The following FREM3 variants were observed in gnomAD, a reference collection of about 807,000 sequenced individuals.
The protein encoded by FREM3 is FRAS1-related extracellular matrix protein 3.
Under a neutral mutation model 129.1 loss-of-function variants are expected in FREM3, and 105 were observed. The observed-to-expected ratio is 0.81, with a 90% confidence interval of 0.69 to 0.96. The LOEUF is 0.96. Among genes scored for constraint, FREM3 ranks in the 40% least tolerant of loss-of-function variants. The pLI is 0.00. For synonymous variants in FREM3, 1,014 were observed against 1,044.9 expected (o/e 0.97, Z 0.57); for missense variants, 2,593 against 2,666.3 (o/e 0.97, Z 0.61).
intron 4 of FREM3, among the ~76,000 whole-genome samples, chr4:143,622,904 T>G (rs1280069079): frequency 6.6e-6 from 1 of 152,192 alleles, no homozygotes; most frequent in Non-Finnish European, 1.5e-5. Context: ...GAACTCTTAG[T>G]GTTTCTCCCA....
At chr4:143,581,646 T>C (rs994696890) in intron 7 of FREM3, among the ~76,000 whole-genome samples, 2 of 152,046 alleles carry the variant, frequency 1.3e-5, no homozygotes, top group Admixed American at 1.3e-4. Context: ...TCTGAGGGCT[T>C]TACTCACACC....
intron 2 of FREM3, among the ~76,000 whole-genome samples, chr4:143,665,603 A>G (rs1347126364): frequency 1.3e-5 from 2 of 152,146 alleles, no homozygotes; most frequent in Non-Finnish European, 2.9e-5. Context: ...TAAGTTGGGC[A>G]AGTGGTTAAG....
At chr4:143,654,242 A>G (rs529355386) in intron 2 of FREM3, among the ~76,000 whole-genome samples, 2 of 152,278 alleles carry the variant, frequency 1.3e-5, no homozygotes, top group Non-Finnish European at 2.9e-5. Flanking sequence ...AGCTGGGATT[A>G]CAGGTTTGTG....
In FREM3 at chr4:143,698,068, G is replaced by A. The variant is rs760805710; in HGVS notation, c.2608C>T (p.Arg870Trp). ...TGCAAGTGTCCATGTTGGGGACCCC[G>A]GACTAATATGAAGACAATTTGGTCA... ...DIDQIVFILV[R>W]GPQHGHLQYF... The change falls in exon 1 of 8, where the codon CGG becomes TGG. Residue 870 changes from arginine (R) to tryptophan (W), a missense_variant. Arg to Trp is a moderately radical substitution (Grantham distance 101, BLOSUM62 -3). Coordinates refer to ENST00000329798, the MANE Select transcript of FREM3 (RefSeq NM_001168235.2). The A allele has an allele frequency of 1.1e-5, 17 of 1,537,144 alleles. No individual in the cohort carries two copies. Among genetic ancestry groups the A allele is most frequent in the Admixed American group, 3.9e-5 (2 of 50,984 alleles).
intron 2 of FREM3, among the ~76,000 whole-genome samples, chr4:143,659,570 G>A (rs1739666405): frequency 6.7e-6 from 1 of 149,030 alleles, no homozygotes; most frequent in African/African-American, 2.5e-5. Context: ...ATAGCAGCAT[G>A]ATTTATATTC....
chr4:143,602,102 A>G (rs2149837603), intron 6 of FREM3: 1 of 152,338 alleles, frequency 6.6e-6, no homozygotes, highest in East Asian at 1.9e-4. Context: ...CATTATTGGT[A>G]TCTAACATGT....
At chr4:143,695,253 T>G (rs1364260228) in intron 1 of FREM3, among the ~76,000 whole-genome samples, 2 of 152,220 alleles carry the variant, frequency 1.3e-5, no homozygotes, top group African/African-American at 2.4e-5. Flanking sequence ...AGTTTTAAGG[T>G]ATAACTACAA....
intron 2 of FREM3, among the ~76,000 whole-genome samples, chr4:143,688,318 G>A (rs1040055198): frequency 6.6e-6 from 1 of 151,996 alleles, no homozygotes; most frequent in African/African-American, 2.4e-5. Flanking sequence ...ACCTAACCAA[G>A]GAGTCAAAAG....
chr4:143,663,961 T>G (rs1222243226), intron 2 of FREM3, among the ~76,000 whole-genome samples: 1 of 152,144 alleles, frequency 6.6e-6, no homozygotes, highest in Non-Finnish European at 1.5e-5. Flanking sequence ...CTTCTCTGTA[T>G]TGGTTATTCT....
At chr4:143,662,855 T>C in intron 2 of FREM3, among the ~76,000 whole-genome samples, 1 of 152,052 alleles carries the variant, frequency 6.6e-6, no homozygotes, top group Non-Finnish European at 1.5e-5. Context: ...CTTTGTCTCT[T>C]TTGATCTTTG....
At chr4:143,608,484 C>G (rs1738702205) in intron 6 of FREM3, among the ~76,000 whole-genome samples, 1 of 152,016 alleles carries the variant, frequency 6.6e-6, no homozygotes. Flanking sequence ...TTCAGGTAAG[C>G]TCTGGTGTTT....
chr4:143,651,817 A>C (rs971928316), intron 2 of FREM3, among the ~76,000 whole-genome samples: 14 of 152,242 alleles, frequency 9.2e-5, no homozygotes, highest in African/African-American at 3.4e-4. Flanking sequence ...GGAGAGAAGG[A>C]AGTAAAGATG....
intron 6 of FREM3, among the ~76,000 whole-genome samples, chr4:143,608,212 TG>T (rs1466913164): frequency 6.6e-6 from 1 of 152,210 alleles, no homozygotes; most frequent in Non-Finnish European, 1.5e-5. Flanking sequence ...TGGATATCTT[TG>T]GGGTCCATTA....
At position 143,695,841 on chromosome 4, in the gene FREM3, C is replaced by T. The variant is rs1740556134; in HGVS notation, c.4835G>A (p.Gly1612Asp). Residue 1612 changes from glycine (G) to aspartate (D), a missense_variant, in exon 1 of 8, where the codon GGC becomes GAC. Gly to Asp is a moderately conservative substitution (Grantham distance 94). Transcript: ENST00000329798. Reference sequence around the variant, plus strand: ...GAAACTATCTTCAGTGGTCTCACTGCCGTCATGCTTGTAGCTAATCAGGTT... The same window carrying T: ...GAAACTATCTTCAGTGGTCTCACTGTCGTCATGCTTGTAGCTAATCAGGTT... ...NKNLISYKHD[G>D]SETTEDSFSL... The T allele has an allele frequency of 2.0e-6, 3 of 1,537,242 alleles. No individual in the cohort carries two copies. The highest frequency in any genetic ancestry group is 2.4e-5 in the South Asian group (2 of 84,070).
chr4:143,584,192 G>A (rs1738197640), intron 7 of FREM3, among the ~76,000 whole-genome samples: 1 of 152,100 alleles, frequency 6.6e-6, no homozygotes, highest in African/African-American at 2.4e-5. Context: ...GGTGGATCAT[G>A]AGGTCAGGAG....
chr4:143,684,241 T>C (rs574310800), intron 2 of FREM3, among the ~76,000 whole-genome samples: 23 of 152,154 alleles, frequency 1.5e-4, no homozygotes, highest in African/African-American at 5.1e-4. Context: ...CTAAGGACCC[T>C]CATGGAGTCC....
intron 7 of FREM3, among the ~76,000 whole-genome samples, chr4:143,583,747 A>G (rs896675143): frequency 1.3e-5 from 2 of 152,164 alleles, no homozygotes; most frequent in African/African-American, 4.8e-5. Flanking sequence ...TCTTCATCAG[A>G]CAAGCAAATG....
chr4:143,638,100 T>TCTC (rs376766589), intron 2 of FREM3, among the ~76,000 whole-genome samples: 2 of 152,306 alleles, frequency 1.3e-5, no homozygotes, highest in African/African-American at 4.8e-5. Context: ...GTGCCCTTTT[T>TCTC]CTCCTTCTTA....
chr4:143,588,659 T>C (rs1023001823), intron 6 of FREM3, among the ~76,000 whole-genome samples: 3 of 151,860 alleles, frequency 2.0e-5, no homozygotes, highest in Non-Finnish European at 2.9e-5. Flanking sequence ...GACATTTGGG[T>C]TGGTTCCAAG....
Sources: gnomAD v4.1 joint callset for allele counts (sites outside exome capture counted in the v4.1 genomes callset) on GRCh38, gnomAD v4.1.1 for gene constraint, MANE v1.5 for transcripts, NCBI Gene and HGNC (gene_info 2026-07-23, HGNC 2026-07-21) for gene names.